Variants in HS6ST3 observed in about 807,000 individuals in gnomAD.
HS6ST3 encodes the protein heparan-sulfate 6-O-sulfotransferase 3.
In HS6ST3, 12 loss-of-function variants were observed where a neutral mutation model predicts 36.7. The ratio of observed to expected loss-of-function variants is 0.33; its 90% CI spans 0.21 to 0.53. The LOEUF (loss-of-function observed/expected upper bound fraction) is 0.53, where lower values mean the gene tolerates loss of function less well. Ranked by LOEUF, HS6ST3 falls within the 20% of genes least tolerant of loss-of-function variation. HS6ST3 has a pLI of 0.95. For synonymous variants in HS6ST3, 240 were observed against 257.5 expected (o/e 0.93, Z 0.65); for missense variants, 584 against 640.9 (o/e 0.91, Z 0.96).
At chr13:96,750,540 A>G (rs1032898315) in intron 1 of HS6ST3, among the ~76,000 whole-genome samples, 17 of 152,214 alleles carry the variant, frequency 1.1e-4, no homozygotes, top group South Asian at 4.1e-4. Context: ...GAATGAGACA[A>G]TTGTTTTAAA....
At chr13:96,463,422 C>T (rs1865868514) in intron 1 of HS6ST3, among the ~76,000 whole-genome samples, 2 of 151,948 alleles carry the variant, frequency 1.3e-5, no homozygotes, top group South Asian at 4.2e-4. Context: ...AAATTGGGTG[C>T]CTGCCTCCAT....
intron 1 of HS6ST3, among the ~76,000 whole-genome samples, chr13:96,332,857 A>G (rs1276919353): frequency 6.6e-6 from 1 of 152,202 alleles, no homozygotes; most frequent in Non-Finnish European, 1.5e-5. Flanking sequence ...AAAGTTAATC[A>G]CCAATGTGAT....
chr13:96,466,066 A>G (rs2055812091), intron 1 of HS6ST3, among the ~76,000 whole-genome samples: 1 of 152,040 alleles, frequency 6.6e-6, no homozygotes, highest in Admixed American at 6.6e-5. Context: ...GCAGATCATG[A>G]GGTCAGGAGT....
intron 1 of HS6ST3, among the ~76,000 whole-genome samples, chr13:96,404,789 G>A (rs1025107921): frequency 6.6e-6 from 1 of 152,156 alleles, no homozygotes; most frequent in Non-Finnish European, 1.5e-5. Flanking sequence ...AGAAACGCAA[G>A]GGCAGGTGAT....
At chr13:96,543,952 GATAT>G (rs10646361) in intron 1 of HS6ST3, among the ~76,000 whole-genome samples, 8,010 of 145,768 alleles carry the variant, frequency 0.055, 281 homozygotes, top group Middle Eastern at 0.1. Flanking sequence ...ATGATGGGGA[GATAT>G]ATATATATAT....
At chr13:96,679,249 A>C (rs2056709933) in intron 1 of HS6ST3, among the ~76,000 whole-genome samples, 1 of 151,528 alleles carries the variant, frequency 6.6e-6, no homozygotes, top group Admixed American at 6.6e-5. Context: ...CATTTATAGA[A>C]TGCTAACATC....
At chr13:96,392,469 C>G (rs9513134) in intron 1 of HS6ST3, among the ~76,000 whole-genome samples, 49,144 of 151,914 alleles carry the variant, frequency 0.32, 8,703 homozygotes, top group Non-Finnish European at 0.41. Context: ...AAAAAGAGAA[C>G]ACGACCCCAT....
intron 1 of HS6ST3, among the ~76,000 whole-genome samples, chr13:96,473,700 A>G (rs1389738134): frequency 6.6e-6 from 1 of 152,124 alleles, no homozygotes; most frequent in Non-Finnish European, 1.5e-5. Flanking sequence ...ACTTTTTGTA[A>G]AATGAGATGC....
At chr13:96,619,285 C>A (rs1352736510) in intron 1 of HS6ST3, among the ~76,000 whole-genome samples, 1 of 152,198 alleles carries the variant, frequency 6.6e-6, no homozygotes, top group African/African-American at 2.4e-5. Context: ...TGAAAACGTA[C>A]TCCATGACAT....
At chr13:96,556,886 A>G (rs1260040617) in intron 1 of HS6ST3, among the ~76,000 whole-genome samples, 2 of 152,228 alleles carry the variant, frequency 1.3e-5, no homozygotes, top group Non-Finnish European at 1.5e-5. Context: ...TTAATGCTGT[A>G]TAATCATGGC....
At chr13:96,407,443 C>A (rs1293164098) in intron 1 of HS6ST3, among the ~76,000 whole-genome samples, 1 of 152,168 alleles carries the variant, frequency 6.6e-6, no homozygotes, top group Non-Finnish European at 1.5e-5. Flanking sequence ...ATAATAGTAT[C>A]TACCTTATAG....
intron 1 of HS6ST3, among the ~76,000 whole-genome samples, chr13:96,268,021 G>A (rs2054701258): frequency 6.6e-6 from 1 of 151,984 alleles, no homozygotes; most frequent in African/African-American, 2.4e-5. Context: ...GAGAGAGAGA[G>A]AGAGAGCAAG....
intron 1 of HS6ST3, among the ~76,000 whole-genome samples, chr13:96,205,113 A>G (rs1229254142): frequency 6.6e-6 from 1 of 151,622 alleles, no homozygotes; most frequent in African/African-American, 2.4e-5. Flanking sequence ...AGAAAAGAAG[A>G]ATCCAATGAA....
chr13:96,547,746 T>A (rs1212295564), intron 1 of HS6ST3, among the ~76,000 whole-genome samples: 1 of 152,158 alleles, frequency 6.6e-6, no homozygotes, highest in East Asian at 1.9e-4. Flanking sequence ...GGCCGGCGTA[T>A]CTATATAAGT....
At chr13:96,709,204 T>C (rs1261855742) in intron 1 of HS6ST3, among the ~76,000 whole-genome samples, 1 of 152,128 alleles carries the variant, frequency 6.6e-6, no homozygotes, top group Non-Finnish European at 1.5e-5. Flanking sequence ...GGTGCCTGCT[T>C]CCCTTTCACT....
intron 1 of HS6ST3, among the ~76,000 whole-genome samples, chr13:96,755,002 T>G (rs1225842523): frequency 6.6e-6 from 1 of 152,188 alleles, no homozygotes; most frequent in Non-Finnish European, 1.5e-5. Context: ...TTCTTAATTT[T>G]TTTTTAAATT....
intron 1 of HS6ST3, among the ~76,000 whole-genome samples, chr13:96,383,455 A>G (rs2055351722): frequency 6.6e-6 from 1 of 151,856 alleles, no homozygotes; most frequent in African/African-American, 2.4e-5. Context: ...AAAAAGAAAA[A>G]AAAAGTGGGA....
At chr13:96,379,193 A>T (rs1325643350) in intron 1 of HS6ST3, among the ~76,000 whole-genome samples, 1 of 152,212 alleles carries the variant, frequency 6.6e-6, no homozygotes, top group African/African-American at 2.4e-5. Flanking sequence ...TTAACAAAAA[A>T]AATCTTTAAT....
chr13:96,680,005 G>C (rs1319856499), intron 1 of HS6ST3, among the ~76,000 whole-genome samples: 1 of 152,214 alleles, frequency 6.6e-6, no homozygotes, highest in Non-Finnish European at 1.5e-5. Context: ...GAAGGCAAAG[G>C]GGGGAAGTGG....
Sources: allele counts gnomAD v4.1 joint callset (sites outside exome capture counted in the v4.1 genomes callset), GRCh38; gene constraint gnomAD v4.1.1; transcripts MANE v1.5; gene names NCBI Gene and HGNC (gene_info 2026-07-23, HGNC 2026-07-21).